Variants in PARD3B observed in about 807,000 individuals in gnomAD.
PARD3B encodes the protein partitioning defective 3 homolog B.
In PARD3B, 103 loss-of-function variants were observed where a neutral mutation model predicts 130.2. The ratio of observed to expected loss-of-function variants is 0.79; its 90% CI spans 0.67 to 0.93. The LOEUF is 0.93. Ranked by LOEUF, PARD3B falls within the 40% of genes least tolerant of loss-of-function variation. PARD3B has a pLI of 0.00. For synonymous variants in PARD3B, 583 were observed against 553.2 expected (o/e 1.05, Z -0.76); for missense variants, 1,609 against 1,499.2 (o/e 1.07, Z -1.21).
At chr2:205,442,173 T>C (rs1428033394) in intron 20 of PARD3B, among the ~76,000 whole-genome samples, 1 of 152,164 alleles carries the variant, frequency 6.6e-6, no homozygotes, top group African/African-American at 2.4e-5. Flanking sequence ...AGCCAGTATT[T>C]TCCAATACTA....
At chr2:205,174,892 A>G (rs976623186) in intron 12 of PARD3B, among the ~76,000 whole-genome samples, 6 of 152,230 alleles carry the variant, frequency 3.9e-5, no homozygotes, top group African/African-American at 1.4e-4. Flanking sequence ...TTAAACAGAA[A>G]CATATTTTTC....
At chr2:205,209,750 T>A (rs2037521010) in intron 15 of PARD3B, among the ~76,000 whole-genome samples, 1 of 151,978 alleles carries the variant, frequency 6.6e-6, no homozygotes, top group East Asian at 1.9e-4. Context: ...GAGACAACTA[T>A]CTGATTTTTA....
At chr2:205,600,689 G>C (rs1413011738) in intron 22 of PARD3B, among the ~76,000 whole-genome samples, 1 of 152,126 alleles carries the variant, frequency 6.6e-6, no homozygotes, top group African/African-American at 2.4e-5. Flanking sequence ...AGTGTGTGTT[G>C]TTCCCCTCTC....
In PARD3B at chr2:205,512,841, A is replaced by G. The variant is rs187498893; in HGVS notation, c.3180+12810A>G. Among the ~76,000 whole-genome samples, 735 of 152,174 alleles carry G rather than the reference A, an allele frequency of 4.8e-3. 26 individuals carry two copies. In the South Asian group the frequency reaches 0.086, roughly 18 times the overall value. On this transcript the variant is annotated intron_variant, in intron 21 of 22. Coordinates refer to ENST00000406610, the MANE Select transcript of PARD3B (RefSeq NM_001302769.2). ...TTTAATGAACCTTCTGGCCCACTCTATAGTATTAGATACCCCCAAACCATG... is the reference window on the plus strand; with the variant it reads ...TTTAATGAACCTTCTGGCCCACTCTGTAGTATTAGATACCCCCAAACCATG...
At position 205,402,277 on chromosome 2, in the gene PARD3B, T is replaced by G. The variant is rs58097754; in HGVS notation, c.2741+1154T>G. On this transcript the variant is annotated intron_variant, in intron 19 of 22. Coordinates refer to ENST00000406610, the MANE Select transcript of PARD3B (RefSeq NM_001302769.2). Reference sequence around the variant, plus strand: ...GACTATTCACCTGACAGAGCTATCCTGAAGACATGAAAGATATTCTCCGTC... The same window carrying G: ...GACTATTCACCTGACAGAGCTATCCGGAAGACATGAAAGATATTCTCCGTC... 7.4e-3 allele frequency among the ~76,000 whole-genome samples: 1,133 copies of G among 152,338 alleles called. 16 individuals carry two copies. Among genetic ancestry groups the G allele is most frequent in the African/African-American group, 0.026 (1,084 of 41,580 alleles).
At chr2:204,611,701 T>C (rs2033928990) in intron 1 of PARD3B, among the ~76,000 whole-genome samples, 1 of 152,192 alleles carries the variant, frequency 6.6e-6, no homozygotes, top group Admixed American at 6.5e-5. Context: ...ATGTTCTTAC[T>C]ATATACATGT....
At chr2:205,416,671 A>G (rs2046786280) in intron 19 of PARD3B, among the ~76,000 whole-genome samples, 1 of 152,182 alleles carries the variant, frequency 6.6e-6, no homozygotes, top group Admixed American at 6.6e-5. Context: ...AATAAGGCTG[A>G]TATCATATAA....
At chr2:205,324,971 G>A (rs554230056) in intron 18 of PARD3B, among the ~76,000 whole-genome samples, 1 of 152,248 alleles carries the variant, frequency 6.6e-6, no homozygotes, top group South Asian at 2.1e-4. Context: ...TCTCACCTGT[G>A]AAGACCAATC....
intron 4 of PARD3B, among the ~76,000 whole-genome samples, chr2:205,083,147 C>G (rs1020513995): frequency 1.3e-5 from 2 of 151,922 alleles, no homozygotes; most frequent in African/African-American, 2.4e-5. Context: ...TCTCGAACTC[C>G]TGACCTCATG....
At chr2:204,866,661 ATATATGTG>A (rs1191165671) in intron 2 of PARD3B, among the ~76,000 whole-genome samples, 1 of 151,774 alleles carries the variant, frequency 6.6e-6, no homozygotes, top group African/African-American at 2.4e-5. Context: ...ATTAAAAGAT[ATATATGTG>A]TATATATACA....
At chr2:205,455,030 G>A (rs1010307532) in intron 20 of PARD3B, among the ~76,000 whole-genome samples, 3 of 152,038 alleles carry the variant, frequency 2.0e-5, no homozygotes, top group Non-Finnish European at 4.4e-5. Context: ...TTAAGAGCCA[G>A]GAGATAGAAC....
rs946515255 is a variant in PARD3B at position 205,244,762 on chromosome 2, G to A, written c.2141-1016G>A. ...TTCAGTAATTGTGTCTTTTAAAAACGAATCCGTTTCATCAGAGCTCCATTA... is the reference window on the plus strand; with the variant it reads ...TTCAGTAATTGTGTCTTTTAAAAACAAATCCGTTTCATCAGAGCTCCATTA... On this transcript the variant is annotated intron_variant, in intron 15 of 22. Transcript: ENST00000406610. This position sits in a 1 kb window ranked among gnomAD's most constrained non-coding sequence, Gnocchi z 4.7. Among the ~76,000 whole-genome samples, 6 of 151,790 alleles carry A rather than the reference G, an allele frequency of 4.0e-5. No homozygotes were observed. Among genetic ancestry groups the A allele is most frequent in the Non-Finnish European group, 7.4e-5 (5 of 67,966 alleles).
At chr2:205,343,837 C>T (rs1285264145) in intron 18 of PARD3B, among the ~76,000 whole-genome samples, 1 of 152,016 alleles carries the variant, frequency 6.6e-6, no homozygotes, top group African/African-American at 2.4e-5. Context: ...CCTCCACCCT[C>T]ACCCCCTATG....
chr2:205,086,046 G>C (rs1034524981), intron 4 of PARD3B, among the ~76,000 whole-genome samples: 3 of 152,164 alleles, frequency 2.0e-5, no homozygotes, highest in Non-Finnish European at 4.4e-5. Context: ...TGGTGATGCT[G>C]TTGCTAGCAA....
In PARD3B at chr2:205,341,528, A is replaced by G. The variant is rs909792704; in HGVS notation, c.2630+39827A>G. Among the ~76,000 whole-genome samples the G allele has an allele frequency of 3.3e-5, 5 of 151,794 alleles. No homozygotes were observed. Among genetic ancestry groups the G allele is most frequent in the Admixed American group, 6.6e-5 (1 of 15,254 alleles). On this transcript the variant is annotated intron_variant, in intron 18 of 22. Coordinates refer to ENST00000406610, the MANE Select transcript of PARD3B (RefSeq NM_001302769.2). This position sits in a 1 kb window ranked among gnomAD's most constrained non-coding sequence, Gnocchi z 4.3. ...ACTGCATGTTCTTATGTATATGTAGAAGCTAAAAAAAATGTTTAAGCTCAT... is the reference window on the plus strand; with the variant it reads ...ACTGCATGTTCTTATGTATATGTAGGAGCTAAAAAAAATGTTTAAGCTCAT...
At chr2:204,546,595 TACA>T (rs201575642) in intron 1 of PARD3B, among the ~76,000 whole-genome samples, 1,797 of 152,302 alleles carry the variant, frequency 0.012, 11 homozygotes, top group Non-Finnish European at 0.019. Context: ...ACTCGGAAGT[TACA>T]ACTGATGGGG....
At chr2:204,734,673 T>C (rs2039666676) in intron 2 of PARD3B, among the ~76,000 whole-genome samples, 1 of 152,156 alleles carries the variant, frequency 6.6e-6, no homozygotes. Context: ...TATAATATGA[T>C]TCCATTAAAT....
intron 1 of PARD3B, among the ~76,000 whole-genome samples, chr2:204,571,990 C>G (rs71427754): frequency 0.012 from 1,868 of 152,160 alleles, 17 homozygotes; most frequent in Non-Finnish European, 0.018. Context: ...AACCGTGTAA[C>G]TTTTTTTCTC....
chr2:205,077,024 C>T (rs781285238), intron 4 of PARD3B, among the ~76,000 whole-genome samples: 4 of 152,274 alleles, frequency 2.6e-5, no homozygotes, highest in South Asian at 2.1e-4. Flanking sequence ...ATACTCACTG[C>T]GTCACAACTC....
Sources: allele counts gnomAD v4.1 joint callset (sites outside exome capture counted in the v4.1 genomes callset), GRCh38; gene constraint gnomAD v4.1.1; non-coding constraint Gnocchi (gnomAD v3.1); transcripts MANE v1.5; gene names NCBI Gene and HGNC (gene_info 2026-07-23, HGNC 2026-07-21).